Variants in GPLD1 observed in about 807,000 individuals in gnomAD.
GPLD1 encodes the protein glycosylphosphatidylinositol specific phospholipase D1.
A neutral mutation model predicts 112.6 loss-of-function variants in GPLD1; 84 were observed. That is an observed-to-expected ratio of 0.75 (90% CI 0.63 to 0.89). The LOEUF is 0.89. Ranked by LOEUF, GPLD1 falls within the 40% of genes least tolerant of loss-of-function variation. GPLD1 has a pLI of 0.00. For missense variants in GPLD1, 1,044 were observed against 1,051.5 expected (o/e 0.99, Z 0.10); for synonymous variants, 386 against 403.8 (o/e 0.96, Z 0.53).
chr6:24,429,372 G>A (rs1045606525), intron 24 of GPLD1, among the ~76,000 whole-genome samples: 6 of 152,114 alleles, frequency 3.9e-5, no homozygotes, highest in Non-Finnish European at 7.3e-5. Flanking sequence ...AGGAGAAGTA[G>A]GGCAGTGCAT....
intron 12 of GPLD1, among the ~76,000 whole-genome samples, chr6:24,459,360 C>T (rs1763363953): frequency 6.6e-6 from 1 of 151,726 alleles, no homozygotes; most frequent in Non-Finnish European, 1.5e-5. Flanking sequence ...AACAAGTAGT[C>T]CTCCCACCTC....
chr6:24,458,232 C>A (rs192795477), intron 12 of GPLD1, among the ~76,000 whole-genome samples: 6 of 152,034 alleles, frequency 3.9e-5, no homozygotes, highest in Non-Finnish European at 8.8e-5. Flanking sequence ...ATGGCTCAGG[C>A]GCTGCAAAAG....
intron 1 of GPLD1, chr6:24,494,955 G>T: frequency 7.8e-7 from 1 of 1,283,098 alleles, no homozygotes; most frequent in Non-Finnish European, 9.8e-7. Flanking sequence ...CCGTGCGCGC[G>T]CGCCCGCTTG....
At chr6:24,481,547 G>A (rs1431587162) in intron 2 of GPLD1, among the ~76,000 whole-genome samples, 2 of 152,124 alleles carry the variant, frequency 1.3e-5, no homozygotes, top group African/African-American at 2.4e-5. Context: ...CACCGCTCAG[G>A]TGGGGCTGAC....
intron 14 of GPLD1, among the ~76,000 whole-genome samples, chr6:24,451,309 C>T (rs1413066319): frequency 2.0e-5 from 3 of 151,686 alleles, no homozygotes; most frequent in South Asian, 2.1e-4. Context: ...GAAAGTAATT[C>T]ACTGGGTTTT....
intron 22 of GPLD1, among the ~76,000 whole-genome samples, chr6:24,435,636 C>T (rs897516779): frequency 6.7e-6 from 1 of 149,652 alleles, no homozygotes; most frequent in African/African-American, 2.5e-5. Context: ...CCAGCCTGGC[C>T]GACATGGTGA....
intron 7 of GPLD1, among the ~76,000 whole-genome samples, chr6:24,472,061 T>C (rs1367183593): frequency 1.3e-5 from 2 of 151,886 alleles, no homozygotes; most frequent in Admixed American, 6.6e-5. Flanking sequence ...GACAAGAGAG[T>C]AGAAGCCAGA....
intron 20 of GPLD1, among the ~76,000 whole-genome samples, chr6:24,444,828 G>A (rs1762855581): frequency 6.6e-6 from 1 of 152,012 alleles, no homozygotes; most frequent in South Asian, 2.1e-4. Context: ...CAGCCTGGGC[G>A]ACACAGCAAG....
chr6:24,434,667 T>C (rs144745744), intron 22 of GPLD1, among the ~76,000 whole-genome samples: 9,865 of 150,746 alleles, frequency 0.065, 753 homozygotes, highest in African/African-American at 0.19. Flanking sequence ...GAAACCCCGT[T>C]TCTACTAAAA....
At position 24,466,911 on chromosome 6, in the gene GPLD1, C is replaced by T; in HGVS notation, c.681+1G>A. On this transcript the variant is annotated splice_donor_variant, in intron 9 of 24. Transcript: ENST00000230036. LOFTEE classifies it high-confidence loss of function. Reference sequence around the variant, plus strand: ...AAGATTTGGAAGAATGACGCCTTTACCTTGGAAACAGCTAGCATCTCACCA... The same window carrying T: ...AAGATTTGGAAGAATGACGCCTTTATCTTGGAAACAGCTAGCATCTCACCA... 6.2e-7 allele frequency: 1 copy of T among 1,610,652 alleles called. No homozygotes were observed. Among genetic ancestry groups the T allele is most frequent in the Non-Finnish European group, 8.5e-7 (1 of 1,176,912 alleles).
intron 14 of GPLD1, among the ~76,000 whole-genome samples, chr6:24,452,816 T>C (rs1031813489): frequency 2.0e-5 from 3 of 151,590 alleles, no homozygotes; most frequent in Non-Finnish European, 2.9e-5. Flanking sequence ...TGCCATCTTA[T>C]TTTCTCTTCA....
At chr6:24,445,307 G>A (rs1185269445) in intron 20 of GPLD1, among the ~76,000 whole-genome samples, 1 of 152,196 alleles carries the variant, frequency 6.6e-6, no homozygotes, top group African/African-American at 2.4e-5. Flanking sequence ...GATTACAGGT[G>A]TGAGCCACCG....
intron 12 of GPLD1, among the ~76,000 whole-genome samples, chr6:24,458,548 G>C (rs912540706): frequency 2.5e-4 from 38 of 152,218 alleles, no homozygotes; most frequent in Middle Eastern, 3.4e-3. Context: ...AATTTAAGGA[G>C]GCCAGGGCAA....
intron 7 of GPLD1, among the ~76,000 whole-genome samples, chr6:24,467,770 T>C (rs1763666193): frequency 6.6e-6 from 1 of 152,066 alleles, no homozygotes; most frequent in South Asian, 2.1e-4. Context: ...AGTATAAAAA[T>C]ATTGTAAAGG....
In GPLD1 at chr6:24,437,232, C is replaced by T. The variant is rs779868030; in HGVS notation, c.2078G>A (p.Arg693His). Reference protein sequence around the residue: ...TVTLHQGGATRMYALTSDAQP... With the variant: ...TVTLHQGGATHMYALTSDAQP... ...CGCGTCAGATGTGAGTGCGTACATGCGAGTGGCTCCGCCTTGGTGTAGGGT... is the reference window on the plus strand; with the variant it reads ...CGCGTCAGATGTGAGTGCGTACATGTGAGTGGCTCCGCCTTGGTGTAGGGT... Residue 693 changes from arginine to histidine, a missense_variant, in exon 21 of 25, where the codon CGC (arginine) becomes CAC (histidine). Coordinates refer to ENST00000230036, the MANE Select transcript of GPLD1 (RefSeq NM_001503.4). 1.2e-5 allele frequency: 19 copies of T among 1,614,006 alleles called. No individual in the cohort carries two copies. Among genetic ancestry groups the T allele is most frequent in the South Asian group, 1.1e-4 (10 of 91,092 alleles).
chr6:24,488,114 A>G (rs772153605), intron 1 of GPLD1, among the ~76,000 whole-genome samples: 5 of 152,200 alleles, frequency 3.3e-5, no homozygotes, highest in African/African-American at 4.8e-5. Flanking sequence ...TATCTAAATT[A>G]AAGAAAACTC....
chr6:24,436,822 C>T, intron 21 of GPLD1, 86 bp from the exon 22 acceptor site: 2 of 1,322,366 alleles, frequency 1.5e-6, no homozygotes, highest in Admixed American at 4.2e-5. Context: ...CCTAACCCAA[C>T]CTCTTACAAA....
chr6:24,464,944 G>A (rs1252261670), intron 10 of GPLD1, among the ~76,000 whole-genome samples: 1 of 152,136 alleles, frequency 6.6e-6, no homozygotes, highest in Non-Finnish European at 1.5e-5. Flanking sequence ...TGTAATCTCA[G>A]CACTTTGGGA....
At chr6:24,494,264 G>T (rs1764630713), upstream of GPLD1, among the ~76,000 whole-genome samples, 2 of 152,160 alleles carry the variant, frequency 1.3e-5, no homozygotes, top group Non-Finnish European at 2.9e-5. Context: ...GGGTAGATAT[G>T]GTTCTATTTT....
Sources: gnomAD v4.1 joint callset for allele counts (sites outside exome capture counted in the v4.1 genomes callset) on GRCh38, gnomAD v4.1.1 for gene constraint, MANE v1.5 for transcripts, NCBI Gene and HGNC (gene_info 2026-07-23, HGNC 2026-07-21) for gene names.